The following USP2 variants were observed in gnomAD, a reference collection of about 807,000 sequenced individuals.
USP2 encodes the protein ubiquitin carboxyl-terminal hydrolase 2.
USP2 carries 33 observed loss-of-function variants against 72.0 expected under a neutral mutation model. The observed-to-expected ratio is 0.46, with a 90% CI of 0.35 to 0.61. The LOEUF is 0.61. Among genes scored for constraint, USP2 ranks in the 20% least tolerant of loss-of-function variants. The pLI is 0.01. For synonymous variants in USP2, 296 were observed against 312.5 expected (o/e 0.95, Z 0.56); for missense variants, 691 against 797.8 (o/e 0.87, Z 1.61).
chr11:119,373,927 G>A (rs1950968554), intron 1 of USP2, among the ~76,000 whole-genome samples: 1 of 152,136 alleles, frequency 6.6e-6, no homozygotes, highest in African/African-American at 2.4e-5. Flanking sequence ...TGAGAATGCT[G>A]GATATTTCAG....
chr11:119,363,944 A>AGGG, intron 2 of USP2: 1 of 149,962 alleles, frequency 6.7e-6, no homozygotes, highest in Non-Finnish European at 8.9e-6. Flanking sequence ...AGGGCGGGAA[A>AGGG]GGGGGCGGCG....
chr11:119,378,386 C>T (rs894539570), intron 1 of USP2, among the ~76,000 whole-genome samples: 2 of 152,132 alleles, frequency 1.3e-5, no homozygotes, highest in Admixed American at 6.5e-5. Flanking sequence ...TCCTCTCAGG[C>T]CCCAGGGCCT....
rs1950687777 is a variant in USP2, at chr11:119,357,526, G to T, written c.1566C>A (p.Pro522=). Residue 522 remains proline (P), a synonymous_variant, in exon 11 of 13, where the codon CCC becomes CCA. Coordinates refer to ENST00000260187, the MANE Select transcript of USP2 (RefSeq NM_004205.5). ...TSKLTTFVNF[P]LRDLDLREFA... The stretch of plus-strand genomic sequence containing the variant: ...ATTCTCTTAAGTCCAGGTCTCTTAG[G>T]GGGAAGTTCACAAATGTTGTGAGCT... The T allele has an allele frequency of 1.2e-6, 2 of 1,614,036 alleles. No individual in the cohort carries two copies. The highest frequency in any genetic ancestry group is 2.7e-5 in the African/African-American group (2 of 74,930).
rs1199465064 is a variant in USP2, at chr11:119,372,692, C to A, written c.774+15G>T. The A allele has an allele frequency of 6.6e-7, 1 of 1,510,560 alleles. No individual in the cohort carries two copies. Among genetic ancestry groups the A allele is most frequent in the African/African-American group, 1.4e-5 (1 of 71,626 alleles). The allele number at this position is 1,510,560 out of a possible 1,614,324, so 93.6% of individuals were successfully genotyped here. A position where few individuals can be genotyped will look rare whatever the true frequency, so the allele number is the denominator to read the frequency against. On this transcript the variant is annotated intron_variant, in intron 2 of 12. Coordinates refer to ENST00000260187, the MANE Select transcript of USP2 (RefSeq NM_004205.5). ...GCCTCCCCAGCCTATCCCCGGTCCC[C>A]AAGGGTAAACTCACCATGCCGTCTC...
chr11:119,370,378 C>T (rs1950910980), intron 2 of USP2, among the ~76,000 whole-genome samples: 1 of 152,250 alleles, frequency 6.6e-6, no homozygotes, highest in East Asian at 1.9e-4. Flanking sequence ...GAAGTGGGAA[C>T]TATGATCACT....
At chr11:119,373,555 C>A in intron 1 of USP2, 34 bp from the exon 2 acceptor site, 1 of 1,474,626 alleles carries the variant, frequency 6.8e-7, no homozygotes, top group Non-Finnish European at 8.9e-7. Context: ...TCAGAGGGCC[C>A]TGCCAGGTGT....
At chr11:119,377,350 G>C (rs1342286036) in intron 1 of USP2, among the ~76,000 whole-genome samples, 1 of 152,162 alleles carries the variant, frequency 6.6e-6, no homozygotes, top group Non-Finnish European at 1.5e-5. Context: ...GGACGGGTCA[G>C]GACTGGGACC....
intron 2 of USP2, among the ~76,000 whole-genome samples, chr11:119,369,829 C>T (rs1226969085): frequency 2.0e-5 from 3 of 152,142 alleles, no homozygotes; most frequent in Admixed American, 6.5e-5. Context: ...TCTCCCTTTC[C>T]GTCCACCTGT....
At chr11:119,381,383 C>A in intron 1 of USP2, 90 bp downstream of exon 1, 2 of 1,381,876 alleles carry the variant, frequency 1.4e-6, no homozygotes, top group African/African-American at 1.4e-5. Context: ...CCACTCTGCC[C>A]AGAATGTCGT....
In USP2 at chr11:119,379,367, AGG is replaced by A. The variant is rs1402149553; in HGVS notation, c.-42+2104_-42+2105del. 3.6e-5 allele frequency: 10 copies of A among 277,460 alleles called. 1 individual carries two copies. The highest frequency in any genetic ancestry group is 4.5e-5 in the Non-Finnish European group (9 of 200,254). The allele number at this position is 277,460 out of a possible 1,614,324, so 17.2% of individuals were successfully genotyped here. A position where few individuals can be genotyped will look rare whatever the true frequency, so the allele number is the denominator to read the frequency against. On this transcript the variant is annotated intron_variant, in intron 1 of 12. Coordinates refer to ENST00000260187, the MANE Select transcript of USP2 (RefSeq NM_004205.5). ...GGAAAGAGCATTGAAAAGAGCACAG[AGG>A]GGTGGGGGTGGAACTTGAGACAAAA...
At chr11:119,380,384 T>TA (rs1951046405) in intron 1 of USP2, among the ~76,000 whole-genome samples, 1 of 151,718 alleles carries the variant, frequency 6.6e-6, no homozygotes, top group African/African-American at 2.4e-5. Context: ...CCTAGAAAAA[T>TA]ACGGCAAGTG....
chr11:119,372,288 A>G (rs535922039), intron 2 of USP2, among the ~76,000 whole-genome samples: 7 of 152,320 alleles, frequency 4.6e-5, no homozygotes, highest in Admixed American at 3.3e-4. Context: ...CCTGCACAAG[A>G]GGGGAGATGC....
At chr11:119,365,851 C>A (rs1950844137) in intron 2 of USP2, among the ~76,000 whole-genome samples, 1 of 151,608 alleles carries the variant, frequency 6.6e-6, no homozygotes, top group African/African-American at 2.4e-5. Flanking sequence ...CAGTTAATTT[C>A]TATAACATCA....
chr11:119,368,094 A>T (rs1950879155), intron 2 of USP2, among the ~76,000 whole-genome samples: 1 of 152,246 alleles, frequency 6.6e-6, no homozygotes, highest in Non-Finnish European at 1.5e-5. Flanking sequence ...TGGAGACATC[A>T]GTGTCTTGCT....
At chr11:119,379,698 C>T (rs796787792) in intron 1 of USP2, among the ~76,000 whole-genome samples, 3 of 151,956 alleles carry the variant, frequency 2.0e-5, no homozygotes, top group Admixed American at 6.6e-5. Context: ...ATCTGCAAAA[C>T]GGGACTAATA....
chr11:119,376,978 A>AAT (rs553282367), intron 1 of USP2, among the ~76,000 whole-genome samples: 119 of 152,398 alleles, frequency 7.8e-4, no homozygotes, highest in Middle Eastern at 3.4e-3. Context: ...GGACAGATTA[A>AAT]ATTATTTAAA....
At position 119,359,361 on chromosome 11, in the gene USP2, G is replaced by A. The variant is rs148650681; in HGVS notation, c.950-19C>T. On this transcript the variant is annotated intron_variant, in intron 4 of 12. Coordinates refer to ENST00000260187, the MANE Select transcript of USP2 (RefSeq NM_004205.5). ...GCAAACTCTATTGGAAGGAGAGAGT[G>A]TACAGGACAGCTGAGATATTTTCTA... The A allele has an allele frequency of 7.5e-6, 12 of 1,603,708 alleles. No homozygotes were observed. The highest frequency in any genetic ancestry group is 2.7e-5 in the African/African-American group (2 of 74,642).
intron 2 of USP2, 88 bp downstream of exon 2, chr11:119,372,619 T>A: frequency 1.6e-6 from 2 of 1,270,276 alleles, no homozygotes; most frequent in Non-Finnish European, 2.1e-6. Flanking sequence ...CAGTCATCAG[T>A]CAGGTTGGGA....
Position 119,372,984 on chromosome 11 carries a change from A to G in USP2, c.497T>C (p.Leu166Pro), listed in dbSNP as rs1436171776. 1 of 1,613,836 alleles carries G rather than the reference A, an allele frequency of 6.2e-7. No homozygotes were observed. Residue 166 changes from leucine (L) to proline (P), a missense_variant, in exon 2 of 13, where the codon CTG becomes CCG. By Grantham distance (98) the Leu-to-Pro change is moderately conservative. Transcript: ENST00000260187. ...CCGGGCCAGCATGGGGCTGCGGCCC[A>G]GGTTCCTGGGGTCTATCCGGTAGCT... Reference protein sequence around the residue: ...SDSYRIDPRNLGRSPMLARTR... With the variant: ...SDSYRIDPRNPGRSPMLARTR...
Sources: allele counts gnomAD v4.1 joint callset (sites outside exome capture counted in the v4.1 genomes callset), GRCh38; gene constraint gnomAD v4.1.1; transcripts MANE v1.5; gene names NCBI Gene and HGNC (gene_info 2026-07-23, HGNC 2026-07-21).